KIF6: variants seen among roughly 807,000 people sequenced by gnomAD.
The protein encoded by KIF6 is kinesin family member 6, also known as kinesin-like protein KIF6.
KIF6 carries 106 observed loss-of-function variants against 112.7 expected under a neutral mutation model. That is an observed-to-expected ratio of 0.94 (90% CI 0.80 to 1.11). The LOEUF is 1.11. Among genes scored for constraint, KIF6 ranks in the 50% least tolerant of loss-of-function variants. KIF6 has a pLI of 0.00. For missense variants in KIF6, 929 were observed against 964.0 expected (o/e 0.96, Z 0.48); for synonymous variants, 339 against 339.9 (o/e 1.00, Z 0.03).
At chr6:39,696,381 T>A (rs1035494519) in intron 3 of KIF6, among the ~76,000 whole-genome samples, 1 of 152,082 alleles carries the variant, frequency 6.6e-6, no homozygotes, top group African/African-American at 2.4e-5. Context: ...GCCTAGAAGG[T>A]GCATAATTGA....
chr6:39,387,853 C>G (rs1334587259), intron 15 of KIF6, among the ~76,000 whole-genome samples: 1 of 152,148 alleles, frequency 6.6e-6, no homozygotes, highest in African/African-American at 2.4e-5. Context: ...GGAGATATTG[C>G]TGTGACAAAT....
chr6:39,591,956 C>CA (rs1273883916), intron 7 of KIF6, among the ~76,000 whole-genome samples: 1 of 151,952 alleles, frequency 6.6e-6, no homozygotes, highest in African/African-American at 2.4e-5. Flanking sequence ...ACCAAAAATA[C>CA]AAAAAATTAG....
intron 3 of KIF6, among the ~76,000 whole-genome samples, chr6:39,662,819 C>T (rs1273942968): frequency 6.6e-6 from 1 of 152,170 alleles, no homozygotes; most frequent in East Asian, 1.9e-4. Flanking sequence ...AAATTGTCTG[C>T]ACACACACAT....
At chr6:39,540,637 G>A (rs532169974) in intron 12 of KIF6, among the ~76,000 whole-genome samples, 1 of 152,378 alleles carries the variant, frequency 6.6e-6, no homozygotes, top group South Asian at 2.1e-4. Context: ...TCGGGAGGCA[G>A]CAGCAGAGCA....
chr6:39,710,849 C>T (rs1178701997), intron 3 of KIF6, among the ~76,000 whole-genome samples: 1 of 151,802 alleles, frequency 6.6e-6, no homozygotes, highest in Admixed American at 6.6e-5. Context: ...CAGTCTGAGA[C>T]CCCATCTCTA....
intron 5 of KIF6, among the ~76,000 whole-genome samples, chr6:39,628,474 GCAT>G (rs1256712899): frequency 6.6e-6 from 1 of 152,034 alleles, no homozygotes; most frequent in Non-Finnish European, 1.5e-5. Flanking sequence ...ACAGAACACT[GCAT>G]CATCACAAGG....
At chr6:39,434,421 A>G (rs1030933867) in intron 13 of KIF6, among the ~76,000 whole-genome samples, 1 of 151,632 alleles carries the variant, frequency 6.6e-6, no homozygotes, top group African/African-American at 2.4e-5. Context: ...AAAAAAAAAA[A>G]TTAGCTGGGC....
chr6:39,398,451 G>A (rs1768434389), intron 15 of KIF6, among the ~76,000 whole-genome samples: 1 of 152,200 alleles, frequency 6.6e-6, no homozygotes, highest in African/African-American at 2.4e-5. Context: ...CTTTGAACTT[G>A]GGAAGGTAAA....
chr6:39,452,936 C>T (rs1772798427), intron 13 of KIF6, among the ~76,000 whole-genome samples: 1 of 152,232 alleles, frequency 6.6e-6, no homozygotes, highest in African/African-American at 2.4e-5. Flanking sequence ...CTCCCTTGGA[C>T]CTACTGGAAT....
intron 3 of KIF6, among the ~76,000 whole-genome samples, chr6:39,665,571 A>T (rs1786417546): frequency 6.6e-6 from 1 of 152,182 alleles, no homozygotes; most frequent in South Asian, 2.1e-4. Flanking sequence ...AGTAAATAAA[A>T]CCCAAATCCA....
intron 5 of KIF6, among the ~76,000 whole-genome samples, chr6:39,618,410 G>T (rs1275060737): frequency 6.6e-6 from 1 of 152,126 alleles, no homozygotes. Context: ...TGGCCACGGG[G>T]ACCCCAGAAA....
At chr6:39,455,579 G>A (rs1341654642) in intron 13 of KIF6, among the ~76,000 whole-genome samples, 2 of 151,382 alleles carry the variant, frequency 1.3e-5, no homozygotes, top group East Asian at 2.0e-4. Context: ...TCTGAGCTAC[G>A]GGAGGACATT....
At chr6:39,366,420 G>A (rs1306406736) in intron 16 of KIF6, among the ~76,000 whole-genome samples, 1 of 152,170 alleles carries the variant, frequency 6.6e-6, no homozygotes, top group African/African-American at 2.4e-5. Context: ...CTGTTCTAGG[G>A]GGATTCCAGT....
chr6:39,722,571 T>G (rs1790280180), intron 1 of KIF6, among the ~76,000 whole-genome samples: 1 of 152,230 alleles, frequency 6.6e-6, no homozygotes, highest in African/African-American at 2.4e-5. Context: ...TTATTACAAT[T>G]TACTTTATGA....
At chr6:39,408,613 T>C (rs1307181358) in intron 15 of KIF6, among the ~76,000 whole-genome samples, 1 of 151,886 alleles carries the variant, frequency 6.6e-6, no homozygotes, top group Admixed American at 6.6e-5. Flanking sequence ...CAAGATATCT[T>C]TGTACATAGG....
At chr6:39,437,966 TTTATTTATTTAA>T (rs1207565434) in intron 13 of KIF6, among the ~76,000 whole-genome samples, 1 of 111,700 alleles carries the variant, frequency 9.0e-6, no homozygotes, top group Admixed American at 8.4e-5. Flanking sequence ...CTATACTTTA[TTTATTTATTTAA>T]TTATTTATTT....
chr6:39,368,904 G>A (rs1214704329), intron 16 of KIF6, among the ~76,000 whole-genome samples: 1 of 152,228 alleles, frequency 6.6e-6, no homozygotes, highest in African/African-American at 2.4e-5. Flanking sequence ...GGGGAAGTGA[G>A]TTATGTGGCT....
intron 13 of KIF6, among the ~76,000 whole-genome samples, chr6:39,512,672 A>G (rs369670039): frequency 3.8e-4 from 58 of 152,260 alleles, no homozygotes; most frequent in African/African-American, 1.3e-3. Flanking sequence ...ATTTCCCATC[A>G]GAATACAGGC....
At chr6:39,586,772 G>A (rs1380027238) in intron 7 of KIF6, among the ~76,000 whole-genome samples, 1 of 152,136 alleles carries the variant, frequency 6.6e-6, no homozygotes, top group Non-Finnish European at 1.5e-5. Context: ...AAATTGGGCT[G>A]TACACCAGTA....
Sources: allele counts gnomAD v4.1 joint callset (sites outside exome capture counted in the v4.1 genomes callset), GRCh38; gene constraint gnomAD v4.1.1; transcripts MANE v1.5; gene names NCBI Gene and HGNC (gene_info 2026-07-23, HGNC 2026-07-21).